Variants in LAMP3 observed in about 807,000 individuals in gnomAD.
LAMP3 encodes the protein lysosome-associated membrane glycoprotein 3.
A neutral mutation model predicts 34.8 loss-of-function variants in LAMP3; 26 were observed. The ratio of observed to expected loss-of-function variants is 0.75; its 90% CI spans 0.55 to 1.04. The LOEUF is 1.04. Among genes scored for constraint, LAMP3 ranks in the 50% least tolerant of loss-of-function variants. LAMP3 has a pLI of 0.00. For missense variants in LAMP3, 495 were observed against 524.0 expected (o/e 0.94, Z 0.54); for synonymous variants, 180 against 201.9 (o/e 0.89, Z 0.92).
chr3:183,135,953 G>T, intron 4 of LAMP3, 66 bp from the exon 5 acceptor site: 1 of 1,320,654 alleles, frequency 7.6e-7, no homozygotes, highest in Non-Finnish European at 1.1e-6. Flanking sequence ...AGCTGTGGCC[G>T]GGCTGCCTGT....
At chr3:183,141,211 A>C (rs541037679) in intron 3 of LAMP3, among the ~76,000 whole-genome samples, 4 of 152,286 alleles carry the variant, frequency 2.6e-5, no homozygotes, top group Admixed American at 6.5e-5. Context: ...GGCCAGTGGG[A>C]GGGATTATGG....
intron 4 of LAMP3, among the ~76,000 whole-genome samples, chr3:183,139,140 A>G (rs571383272): frequency 6.6e-6 from 1 of 152,272 alleles, no homozygotes; most frequent in South Asian, 2.1e-4. Flanking sequence ...CTATAATCCC[A>G]GCACTTTGGG....
intron 5 of LAMP3, among the ~76,000 whole-genome samples, chr3:183,127,964 T>C (rs1373934013): frequency 1.3e-5 from 2 of 151,990 alleles, no homozygotes; most frequent in Non-Finnish European, 2.9e-5. Flanking sequence ...ACCCCGTCTC[T>C]ACTAAAAATA....
Position 183,138,721 on chromosome 3 carries a change from C to T in LAMP3, c.946+1817G>A, listed in dbSNP as rs1274226707. 2.0e-5 allele frequency among the ~76,000 whole-genome samples: 3 copies of T among 152,114 alleles called. No individual in the cohort carries two copies. In the South Asian group the frequency reaches 6.2e-4, roughly 32 times the overall value. On this transcript the variant is annotated intron_variant, in intron 4 of 5. Coordinates refer to ENST00000265598, the MANE Select transcript of LAMP3 (RefSeq NM_014398.4). ...TATCATTTTCTTCTCTCCCCTAGAC[C>T]CCTCGGTGGCATCCTTTCACACTTT...
In LAMP3 at chr3:183,155,935, G is replaced by A. The variant is rs556120691; in HGVS notation, c.50-1544C>T. Among the ~76,000 whole-genome samples the A allele has an allele frequency of 4.6e-5, 7 of 152,294 alleles. No homozygotes were observed. The South Asian group carries it at 8.3e-4, about 18-fold the overall frequency. The stretch of plus-strand genomic sequence containing the variant: ...TTCATGGACCATTAAGCACACAGAC[G>A]GTGTCTACTGTTGTCACAGGTTCTC... On this transcript the variant is annotated intron_variant, in intron 1 of 5. Transcript: ENST00000265598.
chr3:183,136,019 T>G (rs1452414848), intron 4 of LAMP3, 132 bp from the exon 5 acceptor site: 41 of 728,234 alleles, frequency 5.6e-5, no homozygotes, highest in Non-Finnish European at 9.4e-5. Context: ...TTCTGCCACC[T>G]TCTCCCCATG....
In LAMP3 at chr3:183,154,132, G is replaced by C. The variant is rs764778498; in HGVS notation, c.309C>G (p.Thr103=). ...NTATTSPITY[T]LVTTQATPNN... ...TGGGTGTGGCCTGGGTTGTGACCAG[G>C]GTGTAGGTAATTGGGCTGGTGGTTG... Residue 103 remains threonine, a synonymous_variant, in exon 2 of 6, where the codon ACC becomes ACG. Transcript: ENST00000265598. The C allele has an allele frequency of 1.2e-6, 2 of 1,614,184 alleles. No homozygotes were observed. Among genetic ancestry groups the C allele is most frequent in the Admixed American group, 3.3e-5 (2 of 60,020 alleles).
chr3:183,152,483 G>C lies in LAMP3; in HGVS notation c.780C>G (p.Tyr260Ter). 6.2e-7 allele frequency: 1 copy of C among 1,611,720 alleles called. No homozygotes were observed. Among genetic ancestry groups the C allele is most frequent in the Non-Finnish European group, 8.5e-7 (1 of 1,179,166 alleles). The change falls in exon 3 of 6, where the codon TAC becomes TAG. Residue 260 changes from tyrosine to a stop codon, truncating the protein, a stop_gained. Coordinates refer to ENST00000265598, the MANE Select transcript of LAMP3 (RefSeq NM_014398.4). LOFTEE classifies it high-confidence loss of function. Reference sequence around the variant, plus strand: ...GCGTTGCGTTGGGGTCGATGTTGAAGTATCTCCGAGGTGAAAAAACCTAAA... The same window carrying C: ...GCGTTGCGTTGGGGTCGATGTTGAACTATCTCCGAGGTGAAAAAACCTAAA... ...DKESVFSPRRYFNIDPNATQA... is the reference protein window; with the variant it reads ...DKESVFSPRR
At chr3:183,129,575 A>C (rs1719859417) in intron 5 of LAMP3, among the ~76,000 whole-genome samples, 1 of 152,032 alleles carries the variant, frequency 6.6e-6, no homozygotes, top group African/African-American at 2.4e-5. Context: ...GTTTCTATAC[A>C]TTATGCAGTG....
In LAMP3 at chr3:183,162,663, G is replaced by A; in HGVS notation, c.-8C>T. 1 of 1,535,750 alleles carries A rather than the reference G, an allele frequency of 6.5e-7. No homozygotes were observed. Among genetic ancestry groups the A allele is most frequent in the Non-Finnish European group, 8.7e-7 (1 of 1,143,204 alleles). ...GCTGAGCTGCCGGGGCATGGTGGGC[G>A]CTGGGCGAGGTTCTGCAGCGTGCGG... On this transcript the variant is annotated 5_prime_UTR_variant, in exon 1 of 6. Transcript: ENST00000265598.
intron 3 of LAMP3, among the ~76,000 whole-genome samples, chr3:183,143,211 T>C (rs1021075163): frequency 6.6e-6 from 1 of 152,108 alleles, no homozygotes; most frequent in Non-Finnish European, 1.5e-5. Flanking sequence ...TGGGCTCAAG[T>C]GATCCTCCTG....
At chr3:183,128,393 T>C (rs1719834816) in intron 5 of LAMP3, among the ~76,000 whole-genome samples, 1 of 152,194 alleles carries the variant, frequency 6.6e-6, no homozygotes. Context: ...TAACATATTT[T>C]GGAACTCTTT....
In LAMP3 at chr3:183,154,128, C is replaced by T. The variant is rs1720750987; in HGVS notation, c.313G>A (p.Val105Ile). The T allele has an allele frequency of 1.2e-6, 2 of 1,613,992 alleles. No homozygotes were observed. Among genetic ancestry groups the T allele is most frequent in the East Asian group, 2.2e-5 (1 of 44,878 alleles). Residue 105 changes from valine (V) to isoleucine (I), a missense_variant, in exon 2 of 6, where the codon GTC becomes ATC. By Grantham distance (29) the Val-to-Ile change is conservative. Transcript: ENST00000265598. ...ATTSPITYTLVTTQATPNNSH... is the reference protein window; with the variant it reads ...ATTSPITYTLITTQATPNNSH... ...TTGTTGGGTGTGGCCTGGGTTGTGA[C>T]CAGGGTGTAGGTAATTGGGCTGGTG...
At chr3:183,137,259 C>A (rs2108599713) in intron 4 of LAMP3, among the ~76,000 whole-genome samples, 2 of 152,036 alleles carry the variant, frequency 1.3e-5, no homozygotes, top group East Asian at 3.9e-4. Context: ...GTGGAGGTTG[C>A]AGTAAGGTGA....
chr3:183,156,834 T>C (rs528339927), intron 1 of LAMP3, among the ~76,000 whole-genome samples: 106 of 152,266 alleles, frequency 7.0e-4, no homozygotes, highest in Non-Finnish European at 1.0e-3. Context: ...TGGTCAAAGT[T>C]GGGGCGGAGA....
chr3:183,131,820 T>C (rs1188102519), intron 5 of LAMP3: 2 of 663,882 alleles, frequency 3.0e-6, no homozygotes, highest in East Asian at 1.4e-4. Flanking sequence ...CTCCTTTTTC[T>C]CTGAATGAAA....
chr3:183,148,747 G>A (rs1025926897), intron 3 of LAMP3, among the ~76,000 whole-genome samples: 6 of 152,208 alleles, frequency 3.9e-5, no homozygotes, highest in African/African-American at 1.4e-4. Context: ...CTGCTGGTGA[G>A]AATGTAAATT....
intron 5 of LAMP3, among the ~76,000 whole-genome samples, chr3:183,130,457 C>A (rs1719884205): frequency 6.6e-6 from 1 of 152,134 alleles, no homozygotes; most frequent in Non-Finnish European, 1.5e-5. Flanking sequence ...CGTGCCTGGC[C>A]TCACTCCTTT....
intron 3 of LAMP3, among the ~76,000 whole-genome samples, chr3:183,148,763 A>T (rs1259389170): frequency 1.3e-5 from 2 of 152,234 alleles, no homozygotes; most frequent in Non-Finnish European, 2.9e-5. Context: ...AAATTAGTAG[A>T]ACCAAGATGG....
Sources: allele counts gnomAD v4.1 joint callset (sites outside exome capture counted in the v4.1 genomes callset), GRCh38; gene constraint gnomAD v4.1.1; transcripts MANE v1.5; gene names NCBI Gene and HGNC (gene_info 2026-07-23, HGNC 2026-07-21).